Variants in ZNF583 observed in about 807,000 individuals in gnomAD.
The protein encoded by ZNF583 is zinc finger protein 583.
ZNF583 carries 30 observed loss-of-function variants against 55.3 expected under a neutral mutation model. That is an observed-to-expected ratio of 0.54 (90% CI 0.41 to 0.74). The LOEUF (loss-of-function observed/expected upper bound fraction) is 0.74, where lower values mean the gene tolerates loss of function less well. Among genes scored for constraint, ZNF583 ranks in the 30% least tolerant of loss-of-function variants. The pLI is 0.00. For synonymous variants in ZNF583, 208 were observed against 220.0 expected (o/e 0.95, Z 0.48); for missense variants, 504 against 664.7 (o/e 0.76, Z 2.66).
chr19:56,406,799 T>A (rs750279603), intron 1 of ZNF583, among the ~76,000 whole-genome samples: 3 of 152,020 alleles, frequency 2.0e-5, no homozygotes, highest in Non-Finnish European at 4.4e-5. Flanking sequence ...AGTGCTGGGA[T>A]TACAGGCGTG....
At chr19:56,418,325 A>C (rs2042360113) in intron 4 of ZNF583, among the ~76,000 whole-genome samples, 1 of 152,156 alleles carries the variant, frequency 6.6e-6, no homozygotes, top group Non-Finnish European at 1.5e-5. Context: ...TGGTAATCTC[A>C]GCTACTTGGG....
chr19:56,410,117 T>G (rs1291772433), intron 2 of ZNF583, among the ~76,000 whole-genome samples: 4 of 152,210 alleles, frequency 2.6e-5, no homozygotes, highest in African/African-American at 7.2e-5. Context: ...TTAGAACTCT[T>G]AATTTCTTCC....
In ZNF583 at chr19:56,425,906, T is replaced by C. The variant is rs2042489314; in HGVS notation, c.*1538T>C. 6.6e-6 allele frequency: 1 copy of C among 152,220 alleles called. No individual in the cohort carries two copies. Among genetic ancestry groups the C allele is most frequent in the African/African-American group, 2.4e-5 (1 of 41,466 alleles). 9.4% of individuals were successfully genotyped at this position (152,220 alleles called of 1,614,324 possible). On this transcript the variant is annotated 3_prime_UTR_variant, in exon 5 of 5. Transcript: ENST00000333201. ...ACTCCCTGATTCTTTACATCTGACC[T>C]CTTTTAATATTACTTCCTGACCCCA... is the stretch of plus-strand genomic sequence containing the variant.
In ZNF583 at chr19:56,423,855, G is replaced by C; in HGVS notation, c.1197G>C (p.Gln399His). ...FSQYAHLAQH[Q>H]RVHTGEKPYE... ...AGTATGCACACCTTGCTCAACATCA[G>C]AGAGTTCATACTGGAGAAAAACCTT... is the stretch of plus-strand genomic sequence containing the variant. The change falls in exon 5 of 5, where the codon CAG (glutamine) becomes CAC (histidine). Residue 399 changes from glutamine to histidine, a missense_variant. Physicochemically the swap from Gln to His is conservative, Grantham distance 24. Transcript: ENST00000333201. The C allele has an allele frequency of 6.2e-7, 1 of 1,614,062 alleles. No individual in the cohort carries two copies. The highest frequency in any genetic ancestry group is 8.5e-7 in the Non-Finnish European group (1 of 1,179,978).
In ZNF583 at chr19:56,425,998, A is replaced by G. The variant is rs1443684943; in HGVS notation, c.*1630A>G. The G allele has an allele frequency of 6.6e-6, 1 of 152,186 alleles. No homozygotes were observed. The highest frequency in any genetic ancestry group is 1.9e-4 in the East Asian group (1 of 5,188). 9.4% of individuals were successfully genotyped at this position (152,186 alleles called of 1,614,324 possible). The stretch of plus-strand genomic sequence containing the variant: ...TGTGACTATAGATACAAACAGAATG[A>G]CGAAAGTTTAATGGAGGATGAAAAA... On this transcript the variant is annotated 3_prime_UTR_variant, in exon 5 of 5. Coordinates refer to ENST00000333201, the MANE Select transcript of ZNF583 (RefSeq NM_152478.3).
At chr19:56,421,166 CTGTG>C (rs2042409080) in intron 4 of ZNF583, among the ~76,000 whole-genome samples, 1 of 152,148 alleles carries the variant, frequency 6.6e-6, no homozygotes, top group Non-Finnish European at 1.5e-5. Context: ...ATCAAAAACT[CTGTG>C]TGTGGGGTAT....
At position 56,423,567 on chromosome 19, in the gene ZNF583, A is replaced by T; in HGVS notation, c.909A>T (p.Lys303Asn). 6.2e-7 allele frequency: 1 copy of T among 1,613,798 alleles called. No individual in the cohort carries two copies. Among genetic ancestry groups the T allele is most frequent in the Non-Finnish European group, 8.5e-7 (1 of 1,179,952 alleles). Residue 303 changes from lysine to asparagine, a missense_variant, in exon 5 of 5, where the codon AAA becomes AAT. Physicochemically the swap from Lys to Asn is moderately conservative, Grantham distance 94. Around this residue, in one of 3 missense-constraint regions of ZNF583, gnomAD observed 237 missense variants for 373.0 expected, o/e 0.64. Transcript: ENST00000333201. Reference sequence around the variant, plus strand: ...CTTATCAGTGTAAAGAATGTAAAAAAGCCTTCAGCCAGATTGCACACCTGA... The same window carrying T: ...CTTATCAGTGTAAAGAATGTAAAAATGCCTTCAGCCAGATTGCACACCTGA... The part of the protein sequence containing the change: ...EKPYQCKECK[K>N]AFSQIAHLTQ...
At chr19:56,416,254 G>C (rs1179634622) in intron 4 of ZNF583, among the ~76,000 whole-genome samples, 1 of 151,272 alleles carries the variant, frequency 6.6e-6, no homozygotes, top group Non-Finnish European at 1.5e-5. Flanking sequence ...GAACTCAGGA[G>C]GTGGAGGTTG....
At position 56,426,333 on chromosome 19, in the gene ZNF583, TAG is replaced by T. The variant is rs1410070318; in HGVS notation, c.*1968_*1969del. The T allele has an allele frequency of 6.6e-6, 1 of 152,202 alleles. No individual in the cohort carries two copies. Among genetic ancestry groups the T allele is most frequent in the Admixed American group, 6.5e-5 (1 of 15,288 alleles). The allele number at this position is 152,202 out of a possible 1,614,324, so 9.4% of individuals were successfully genotyped here. A position where few individuals can be genotyped will look rare whatever the true frequency, so the allele number is the denominator to read the frequency against. ...ATCTAAATGTGGAACAAACAGTGAT[TAG>T]AGGAGTCTGTGACACACTCTAATCA... On this transcript the variant is annotated 3_prime_UTR_variant, in exon 5 of 5. Coordinates refer to ENST00000333201, the MANE Select transcript of ZNF583 (RefSeq NM_152478.3).
At chr19:56,410,263 G>A (rs147276496) in intron 2 of ZNF583, among the ~76,000 whole-genome samples, 319 of 152,194 alleles carry the variant, frequency 2.1e-3, no homozygotes, top group African/African-American at 6.6e-3. Flanking sequence ...TGACCGTATC[G>A]TTGCTGGGTC....
At chr19:56,406,392 A>G (rs1247838707) in intron 1 of ZNF583, among the ~76,000 whole-genome samples, 1 of 152,236 alleles carries the variant, frequency 6.6e-6, no homozygotes, top group Non-Finnish European at 1.5e-5. Context: ...TGATGCCTTG[A>G]ATAATTACTC....
At chr19:56,415,704 C>G (rs1050097250) in intron 4 of ZNF583, among the ~76,000 whole-genome samples, 9 of 152,124 alleles carry the variant, frequency 5.9e-5, no homozygotes, top group African/African-American at 1.9e-4. Flanking sequence ...GCTGGGATTA[C>G]AGGCATGCAC....
chr19:56,420,560 A>T (rs765126789), intron 4 of ZNF583, among the ~76,000 whole-genome samples: 3 of 152,058 alleles, frequency 2.0e-5, no homozygotes, highest in Non-Finnish European at 2.9e-5. Context: ...TTACACTTTC[A>T]ATTTTTGTTT....
chr19:56,423,915 A>G lies in ZNF583; in HGVS notation c.1257A>G (p.Gln419=). Residue 419 remains glutamine, a synonymous_variant, in exon 5 of 5, where the codon CAA becomes CAG. Transcript: ENST00000333201. ...AAGTATGTAGGAAAGCCTTCAGCCA[A>G]ATTGCATACCTTGATCAACATCAGA... ...ECKVCRKAFS[Q]IAYLDQHQRV... The G allele has an allele frequency of 6.2e-7, 1 of 1,613,192 alleles. No homozygotes were observed. The highest frequency in any genetic ancestry group is 8.5e-7 in the Non-Finnish European group (1 of 1,179,768).
intron 4 of ZNF583, among the ~76,000 whole-genome samples, chr19:56,417,218 G>A (rs2042340597): frequency 6.6e-6 from 1 of 152,120 alleles, no homozygotes; most frequent in African/African-American, 2.4e-5. Context: ...ACTTAAGATG[G>A]AAGAACTGAG....
At position 56,423,653 on chromosome 19, in the gene ZNF583, C is replaced by G. The variant is rs374554454; in HGVS notation, c.995C>G (p.Ala332Gly). Residue 332 changes from alanine (A) to glycine (G), a missense_variant, in exon 5 of 5, where the codon GCC becomes GGC. Around this residue, in one of 3 missense-constraint regions of ZNF583, gnomAD observed 237 missense variants for 373.0 expected, o/e 0.64. Coordinates refer to ENST00000333201, the MANE Select transcript of ZNF583 (RefSeq NM_152478.3). ...RPFECIECGK[A>G]FSNGSFLAQH... Reference sequence around the variant, plus strand: ...TTCGAATGTATTGAATGTGGAAAGGCCTTTAGTAATGGTTCATTTCTTGCT... The same window carrying G: ...TTCGAATGTATTGAATGTGGAAAGGGCTTTAGTAATGGTTCATTTCTTGCT... 42 of 1,613,658 alleles carry G rather than the reference C, an allele frequency of 2.6e-5. No homozygotes were observed. The highest frequency in any genetic ancestry group is 2.8e-5 in the Non-Finnish European group (33 of 1,179,958).
At chr19:56,412,611 A>T (rs2042255965) in intron 2 of ZNF583, among the ~76,000 whole-genome samples, 1 of 152,238 alleles carries the variant, frequency 6.6e-6, no homozygotes, top group Non-Finnish European at 1.5e-5. Flanking sequence ...TAGCATGATT[A>T]TAAGTTACCA....
chr19:56,423,251 T>C lies in ZNF583; in HGVS notation c.593T>C (p.Val198Ala). The C allele has an allele frequency of 6.2e-7, 1 of 1,610,840 alleles. No individual in the cohort carries two copies. The highest frequency in any genetic ancestry group is 8.5e-7 in the Non-Finnish European group (1 of 1,179,370). Residue 198 changes from valine to alanine, a missense_variant, in exon 5 of 5, where the codon GTT (valine) becomes GCT (alanine). This residue lies in a region of ZNF583 where 204 missense variants were observed against 235.2 expected (regional missense o/e 0.87). Coordinates refer to ENST00000333201, the MANE Select transcript of ZNF583 (RefSeq NM_152478.3). ...AAGAAAAGTTACCGAAAAAAATCTG[T>C]TGAAATGAAACATAGGAAAGTCTAT... Reference protein sequence around the residue: ...PQKKSYRKKSVEMKHRKVYVE... With the variant: ...PQKKSYRKKSAEMKHRKVYVE...
chr19:56,426,176 A>G lies in ZNF583; in HGVS notation c.*1808A>G, dbSNP rs1434146699. ...CATGTATGTGTGAACATACATATTC[A>G]TGCTGTTACACATATAAAGAAAATT... On this transcript the variant is annotated 3_prime_UTR_variant, in exon 5 of 5. Transcript: ENST00000333201. 2.0e-5 allele frequency: 3 copies of G among 152,246 alleles called. No individual in the cohort carries two copies. The highest frequency in any genetic ancestry group is 7.2e-5 in the African/African-American group (3 of 41,466). The allele number at this position is 152,246 out of a possible 1,614,324, so 9.4% of individuals were successfully genotyped here.
Sources: allele counts gnomAD v4.1 joint callset (sites outside exome capture counted in the v4.1 genomes callset), GRCh38; gene constraint gnomAD v4.1.1; regional missense constraint gnomAD v4.1.1; transcripts MANE v1.5; gene names NCBI Gene and HGNC (gene_info 2026-07-23, HGNC 2026-07-21).